The following PLXNB1 variants were observed in gnomAD, a reference collection of about 807,000 sequenced individuals.
The protein encoded by PLXNB1 is plexin-B1.
A neutral mutation model predicts 209.4 loss-of-function variants in PLXNB1; 106 were observed. The ratio of observed to expected loss-of-function variants is 0.51; its 90% confidence interval spans 0.43 to 0.59. PLXNB1 has a LOEUF of 0.59. Ranked by LOEUF, PLXNB1 falls within the 20% of genes least tolerant of loss-of-function variation. The probability of loss-of-function intolerance (pLI) is 0.00; values close to 1 mark genes in which losing one functional copy is unlikely to be tolerated. For synonymous variants in PLXNB1, 1,167 were observed against 1,183.2 expected, an observed-to-expected ratio of 0.99 and a Z score of 0.28; for missense variants, 2,357 against 2,853.2, an observed-to-expected ratio of 0.83 and a Z score of 3.96.
rs2038767224 is a variant in PLXNB1, at chr3:48,424,384, G to C, written c.228C>G (p.Ser76Arg). 6.4e-7 allele frequency: 1 copy of C among 1,557,188 alleles called. No homozygotes were observed. The highest frequency in any genetic ancestry group is 8.7e-7 in the Non-Finnish European group (1 of 1,150,132). ...ATVSTGPVLD[S>R]RDCLPPVMPD... Reference sequence around the variant, plus strand: ...GCATCACAGGTGGCAGGCAGTCCCTGCTGTCTAGCACAGGGCCGGTGGACA... The same window carrying C: ...GCATCACAGGTGGCAGGCAGTCCCTCCTGTCTAGCACAGGGCCGGTGGACA... The change falls in exon 3 of 38, where the codon AGC becomes AGG. Residue 76 changes from serine to arginine, a missense_variant. Ser to Arg is a moderately radical substitution (Grantham distance 110). Around this residue, in one of 7 missense-constraint regions of PLXNB1, gnomAD observed 107 missense variants for 167.2 expected, o/e 0.64. Coordinates refer to ENST00000296440, the MANE Select transcript of PLXNB1 (RefSeq NM_001130082.3).
In PLXNB1 at chr3:48,409,648, G is replaced by A; in HGVS notation, c.5862C>T (p.Phe1954=). The change falls in exon 33 of 38, where the codon TTC becomes TTT. Residue 1954 remains phenylalanine, a synonymous_variant. Coordinates refer to ENST00000296440, the MANE Select transcript of PLXNB1 (RefSeq NM_001130082.3). This position sits in a 1 kb window ranked among gnomAD's most constrained non-coding sequence, Gnocchi z 5.8. The part of the protein sequence containing the change: ...SRPVPLAVKY[F]FDLLDEQAQQ... The stretch of plus-strand genomic sequence containing the variant: ...GGGCCTGCTCATCCAGCAGGTCAAA[G>A]AAGTACTTCACAGCGAGCGGCACGG... 1.2e-6 allele frequency: 2 copies of A among 1,614,034 alleles called. No homozygotes were observed. The highest frequency in any genetic ancestry group is 1.7e-6 in the Non-Finnish European group (2 of 1,180,016).
chr3:48,406,061 G>T lies in PLXNB1; in HGVS notation c.6229-263C>A. ...GGTCTACCTGCTTCAGCAAGGTCTG[G>T]GGTTTCCACTGAAGCCCTGCCTCTC... On this transcript the variant is annotated intron_variant, in intron 36 of 37. Coordinates refer to ENST00000296440, the MANE Select transcript of PLXNB1 (RefSeq NM_001130082.3). The surrounding 1 kb of genome is among the most constrained non-coding windows in gnomAD (Gnocchi z 4.4). The T allele has an allele frequency of 2.4e-6, 1 of 408,946 alleles. No individual in the cohort carries two copies. The allele number at this position is 408,946 out of a possible 1,614,324, so 25.3% of individuals were successfully genotyped here.
At chr3:48,427,951 G>A (rs1017956144) in intron 1 of PLXNB1, among the ~76,000 whole-genome samples, 7 of 152,188 alleles carry the variant, frequency 4.6e-5, no homozygotes, top group Non-Finnish European at 1.0e-4. Context: ...CAGTAAACAT[G>A]AAACAGTGTG....
In PLXNB1 at chr3:48,411,453, C is replaced by A. The variant is rs1002581065; in HGVS notation, c.5247+410G>T. On this transcript the variant is annotated intron_variant, in intron 28 of 37. Coordinates refer to ENST00000296440, the MANE Select transcript of PLXNB1 (RefSeq NM_001130082.3). This position sits in a 1 kb window ranked among gnomAD's most constrained non-coding sequence, Gnocchi z 4.0. ...GGGGTTTCCCACAGGAACCCTTGTGCGTAACTAAGGGGAAAGCAAACCCAG... is the reference window on the plus strand; with the variant it reads ...GGGGTTTCCCACAGGAACCCTTGTGAGTAACTAAGGGGAAAGCAAACCCAG... Among the ~76,000 whole-genome samples the A allele has an allele frequency of 2.0e-5, 3 of 152,140 alleles. No homozygotes were observed. The highest frequency in any genetic ancestry group is 4.4e-5 in the Non-Finnish European group (3 of 68,030).
rs879793496 is a variant in PLXNB1 at position 48,405,493 on chromosome 3, C to A, written c.6303+231G>T. Reference sequence around the variant, plus strand: ...CCCCACAACCACCAGCACTGTGCCTCGCCGTCCTGCTGGGGAGCTGGAATG... The same window carrying A: ...CCCCACAACCACCAGCACTGTGCCTAGCCGTCCTGCTGGGGAGCTGGAATG... On this transcript the variant is annotated intron_variant, in intron 37 of 37. Transcript: ENST00000296440. The surrounding 1 kb of genome is among the most constrained non-coding windows in gnomAD (Gnocchi z 5.0). 1.3e-5 allele frequency among the ~76,000 whole-genome samples: 2 copies of A among 152,204 alleles called. No individual in the cohort carries two copies. The highest frequency in any genetic ancestry group is 2.9e-5 in the Non-Finnish European group (2 of 68,022).
chr3:48,418,725 T>TA lies in PLXNB1; in HGVS notation c.2956-184dup, dbSNP rs545488443. On this transcript the variant is annotated intron_variant, in intron 13 of 37. Transcript: ENST00000296440. The surrounding 1 kb of genome is among the most constrained non-coding windows in gnomAD (Gnocchi z 6.6). ...ATGGGGACCCCATGGGGTCTCAAGT[T>TA]AGAGTTCAGAGCTGGGATGCAAGGA... 7.2e-5 allele frequency among the ~76,000 whole-genome samples: 11 copies of TA among 152,054 alleles called. No homozygotes were observed. In the East Asian group the frequency reaches 1.6e-3, roughly 21 times the overall value.
At position 48,415,960 on chromosome 3, in the gene PLXNB1, C is replaced by G. The variant is rs1214038202; in HGVS notation, c.3617+71G>C. ...GCCCTCTTCCCCTTTCTGCTCTCCCCAGGATCTCAGACCCCTCCATCTTTC... is the reference window on the plus strand; with the variant it reads ...GCCCTCTTCCCCTTTCTGCTCTCCCGAGGATCTCAGACCCCTCCATCTTTC... On this transcript the variant is annotated intron_variant, in intron 18 of 37. Transcript: ENST00000296440. This position sits in a 1 kb window ranked among gnomAD's most constrained non-coding sequence, Gnocchi z 5.0. The G allele has an allele frequency of 3.6e-5, 54 of 1,518,928 alleles. No homozygotes were observed. Among genetic ancestry groups the G allele is most frequent in the Non-Finnish European group, 4.6e-5 (52 of 1,121,194 alleles). 94.1% of individuals were successfully genotyped at this position (1,518,928 alleles called of 1,614,324 possible). A position where few individuals can be genotyped will look rare whatever the true frequency, so the allele number is the denominator to read the frequency against.
chr3:48,418,897 C>T lies in PLXNB1; in HGVS notation c.2955+20G>A, dbSNP rs1348890031. On this transcript the variant is annotated intron_variant, in intron 13 of 37. Transcript: ENST00000296440. The surrounding 1 kb of genome is among the most constrained non-coding windows in gnomAD (Gnocchi z 6.6). ...CCAGTGCAGTGCACCCGTGCCCACC[C>T]AGGCGCTCATGGTGTGCACCTGGTG... The T allele has an allele frequency of 3.1e-6, 5 of 1,613,582 alleles. No homozygotes were observed. In the Admixed American group the frequency reaches 5.0e-5, roughly 16 times the overall value.
rs2037301213 is a variant in PLXNB1, at chr3:48,406,045, G to T, written c.6229-247C>A. 1 of 440,910 alleles carries T rather than the reference G, an allele frequency of 2.3e-6. No individual in the cohort carries two copies. The highest frequency in any genetic ancestry group is 2.0e-5 in the African/African-American group (1 of 49,902). The allele number at this position is 440,910 out of a possible 1,614,324, so 27.3% of individuals were successfully genotyped here. ...GTAGGAAGACAGCCCAGGTCTACCT[G>T]CTTCAGCAAGGTCTGGGGTTTCCAC... On this transcript the variant is annotated intron_variant, in intron 36 of 37. Coordinates refer to ENST00000296440, the MANE Select transcript of PLXNB1 (RefSeq NM_001130082.3). This position sits in a 1 kb window ranked among gnomAD's most constrained non-coding sequence, Gnocchi z 4.4.
In PLXNB1 at chr3:48,414,903, G is replaced by A. The variant is rs1406284235; in HGVS notation, c.4105C>T (p.Pro1369Ser). 1 of 1,614,018 alleles carries A rather than the reference G, an allele frequency of 6.2e-7. No homozygotes were observed. The highest frequency in any genetic ancestry group is 8.5e-7 in the Non-Finnish European group (1 of 1,180,036). ...NLVFDFATLN[P>S]TPFSYEADPT... ...TCGGCCTCATAGGAGAAAGGTGTGG[G>A]GTTCAGTGTTGCAAAGTCAAAGACC... Residue 1369 changes from proline to serine, a missense_variant, in exon 21 of 38, where the codon CCC (proline) becomes TCC (serine). By Grantham distance (74) the Pro-to-Ser change is moderately conservative. This residue lies in a region of PLXNB1 where 743 missense variants were observed against 896.2 expected (regional missense o/e 0.83). Transcript: ENST00000296440.
At position 48,410,342 on chromosome 3, in the gene PLXNB1, G is replaced by A. The variant is rs1322497874; in HGVS notation, c.5559C>T (p.Leu1853=). 1.2e-6 allele frequency: 2 copies of A among 1,613,460 alleles called. No individual in the cohort carries two copies. The highest frequency in any genetic ancestry group is 1.7e-6 in the Non-Finnish European group (2 of 1,179,608). The change falls in exon 31 of 38, where the codon CTC becomes CTT. Residue 1853 remains leucine (L), a synonymous_variant. Coordinates refer to ENST00000296440, the MANE Select transcript of PLXNB1 (RefSeq NM_001130082.3). This position sits in a 1 kb window ranked among gnomAD's most constrained non-coding sequence, Gnocchi z 6.4. ...GGTTTTCCCGGAGCACATGCTTGGT[G>A]AGGCAGGGGACGAGGGCCACAGTTG... ...DGATVALVPC[L]TKHVLRENQD... is the part of the protein sequence containing the mutation.
rs2038387853 is a variant in PLXNB1 at position 48,419,956 on chromosome 3, T to C, written c.2330A>G (p.Asp777Gly). 1.9e-6 allele frequency: 3 copies of C among 1,578,680 alleles called. No homozygotes were observed. The highest frequency in any genetic ancestry group is 2.7e-5 in the African/African-American group (2 of 73,698). Residue 777 changes from aspartate to glycine, a missense_variant, in exon 11 of 38, where the codon GAC becomes GGC. Transcript: ENST00000296440. This position sits in a 1 kb window ranked among gnomAD's most constrained non-coding sequence, Gnocchi z 5.7. ...GPGTAVPAPT[D>G]FRPSATPEDL... ...CTCAGGTGTGGCTGAGGGTCTGAAG[T>C]CAGTGGGGGCAGGGACAGCGGTTCC...
intron 37 of PLXNB1, among the ~76,000 whole-genome samples, chr3:48,404,982 C>T (rs182861480): frequency 4.9e-4 from 74 of 152,292 alleles, no homozygotes; most frequent in African/African-American, 1.8e-3. Flanking sequence ...TGATCAAACA[C>T]GAACCACGAA....
chr3:48,415,986 C>T lies in PLXNB1; in HGVS notation c.3617+45G>A. ...AGGATCTCAGACCCCTCCATCTTTCCCCTGGAGCAGATGGATTTTTGCAGG... is the reference window on the plus strand; with the variant it reads ...AGGATCTCAGACCCCTCCATCTTTCTCCTGGAGCAGATGGATTTTTGCAGG... On this transcript the variant is annotated intron_variant, in intron 18 of 37. Coordinates refer to ENST00000296440, the MANE Select transcript of PLXNB1 (RefSeq NM_001130082.3). The surrounding 1 kb of genome is among the most constrained non-coding windows in gnomAD (Gnocchi z 5.0). The T allele has an allele frequency of 6.3e-7, 1 of 1,577,618 alleles. No individual in the cohort carries two copies. Among genetic ancestry groups the T allele is most frequent in the Non-Finnish European group, 8.6e-7 (1 of 1,159,568 alleles).
At position 48,410,704 on chromosome 3, in the gene PLXNB1, T is replaced by A; in HGVS notation, c.5417-146A>T. 1 of 936,642 alleles carries A rather than the reference T, an allele frequency of 1.1e-6. No individual in the cohort carries two copies. The highest frequency in any genetic ancestry group is 2.3e-5 in the Admixed American group (1 of 42,738). 58.0% of individuals were successfully genotyped at this position (936,642 alleles called of 1,614,324 possible). ...CCAAAGACCAAGAGCAGGGACCCCCTCCCCAGATGAGAGGCTGTCCAAGAA... is the reference window on the plus strand; with the variant it reads ...CCAAAGACCAAGAGCAGGGACCCCCACCCCAGATGAGAGGCTGTCCAAGAA... On this transcript the variant is annotated intron_variant, in intron 29 of 37. Transcript: ENST00000296440. This position sits in a 1 kb window ranked among gnomAD's most constrained non-coding sequence, Gnocchi z 6.4.
rs201314409 is a variant in PLXNB1 at position 48,415,057 on chromosome 3, G to A, written c.3967-16C>T. The A allele has an allele frequency of 6.2e-6, 10 of 1,611,252 alleles. No individual in the cohort carries two copies. The highest frequency in any genetic ancestry group is 8.5e-6 in the Non-Finnish European group (10 of 1,178,292). On this transcript the variant is annotated splice_polypyrimidine_tract_variant and intron_variant, in intron 20 of 37. Transcript: ENST00000296440. This position sits in a 1 kb window ranked among gnomAD's most constrained non-coding sequence, Gnocchi z 5.0. ...GCTCCTCAAACTGGAAGGAAGACAGGCAGGTTGACGAGGGGCCAAGCAAAG... is the reference window on the plus strand; with the variant it reads ...GCTCCTCAAACTGGAAGGAAGACAGACAGGTTGACGAGGGGCCAAGCAAAG...
At position 48,418,960 on chromosome 3, in the gene PLXNB1, G is replaced by A; in HGVS notation, c.2912C>T (p.Pro971Leu). ...GACATGGCACTGGGTATCTGGAGGTGGCTCACACTCGACCCGGGCCTCAAC... is the reference window on the plus strand; with the variant it reads ...GACATGGCACTGGGTATCTGGAGGTAGCTCACACTCGACCCGGGCCTCAAC... ...VVVEARVECE[P>L]PPDTQCHVTC... The change falls in exon 13 of 38, where the codon CCA becomes CTA. Residue 971 changes from proline to leucine, a missense_variant. Physicochemically the swap from Pro to Leu is moderately conservative, Grantham distance 98. This residue lies in a region of PLXNB1 where 410 missense variants were observed against 401.0 expected (regional missense o/e 1.02). Coordinates refer to ENST00000296440, the MANE Select transcript of PLXNB1 (RefSeq NM_001130082.3). This position sits in a 1 kb window ranked among gnomAD's most constrained non-coding sequence, Gnocchi z 6.6. 1 of 1,614,064 alleles carries A rather than the reference G, an allele frequency of 6.2e-7. No individual in the cohort carries two copies. The highest frequency in any genetic ancestry group is 8.5e-7 in the Non-Finnish European group (1 of 1,180,006).
rs1172832109 is a variant in PLXNB1 at position 48,418,849 on chromosome 3, T to C, written c.2955+68A>G. Reference sequence around the variant, plus strand: ...CTCTGGAAAGTGTGGTGCAGCCAGCTACAGTTGGCAGCCAGCCTGTGGCCA... The same window carrying C: ...CTCTGGAAAGTGTGGTGCAGCCAGCCACAGTTGGCAGCCAGCCTGTGGCCA... On this transcript the variant is annotated intron_variant, in intron 13 of 37. Coordinates refer to ENST00000296440, the MANE Select transcript of PLXNB1 (RefSeq NM_001130082.3). This position sits in a 1 kb window ranked among gnomAD's most constrained non-coding sequence, Gnocchi z 6.6. 8.8e-6 allele frequency: 14 copies of C among 1,594,422 alleles called. No homozygotes were observed. The highest frequency in any genetic ancestry group is 9.4e-6 in the Non-Finnish European group (11 of 1,166,806).
Position 48,429,322 on chromosome 3 carries a change from CGCA to C in PLXNB1, c.-60+683_-60+685del. On this transcript the variant is annotated intron_variant, in intron 1 of 37. Transcript: ENST00000296440. This position sits in a 1 kb window ranked among gnomAD's most constrained non-coding sequence, Gnocchi z 6.4. ...GGCCGCTCCGGGCTCGGGCTCCGCGCGCAGCGGCCTCTCCCCGGGTCTGGCGGA... is the reference window on the plus strand; with the variant it reads ...GGCCGCTCCGGGCTCGGGCTCCGCGCGCGGCCTCTCCCCGGGTCTGGCGGA... 1 of 151,280 alleles carries C rather than the reference CGCA, an allele frequency of 6.6e-6. No homozygotes were observed. The highest frequency in any genetic ancestry group is 2.0e-4 in the East Asian group (1 of 5,122). The allele number at this position is 151,280 out of a possible 1,614,324, so 9.4% of individuals were successfully genotyped here.
Sources: allele counts gnomAD v4.1 joint callset (sites outside exome capture counted in the v4.1 genomes callset), GRCh38; gene constraint gnomAD v4.1.1; regional missense constraint gnomAD v4.1.1; non-coding constraint Gnocchi (gnomAD v3.1); transcripts MANE v1.5; gene names NCBI Gene and HGNC (gene_info 2026-07-23, HGNC 2026-07-21).